C10orf90: variants seen among roughly 807,000 people sequenced by gnomAD.
C10orf90 encodes chromosome 10 open reading frame 90.
In C10orf90, 56 loss-of-function variants were observed where a neutral mutation model predicts 62.5. That is an observed-to-expected ratio of 0.90 (90% CI 0.72 to 1.12). C10orf90 has a LOEUF of 1.12. C10orf90 is among the 50% of genes most tolerant of loss of function. The pLI is 0.00. For synonymous variants in C10orf90, 386 were observed against 340.4 expected (o/e 1.13, Z -1.47); for missense variants, 970 against 880.4 (o/e 1.10, Z -1.29).
chr10:126,427,693 T>A (rs1272631220), intron 8 of C10orf90, among the ~76,000 whole-genome samples: 1 of 152,192 alleles, frequency 6.6e-6, no homozygotes, highest in Non-Finnish European at 1.5e-5. Context: ...TTCTTCGGCC[T>A]CTGGACTCTT....
In C10orf90 at chr10:126,663,077, C is replaced by T. The variant is rs532410963; in HGVS notation, c.240+7164G>A. Among the ~76,000 whole-genome samples the T allele has an allele frequency of 2.6e-5, 4 of 152,276 alleles. No individual in the cohort carries two copies. The South Asian group carries it at 8.3e-4, about 32-fold the overall frequency. On this transcript the variant is annotated intron_variant, in intron 1 of 9. Transcript: ENST00000488181. Reference sequence around the variant, plus strand: ...AGGTGTTTCCTCTTTAATCTGTCTGCTCCACTAGAGGAGGAAGAGGACCTA... The same window carrying T: ...AGGTGTTTCCTCTTTAATCTGTCTGTTCCACTAGAGGAGGAAGAGGACCTA...
At position 126,557,212 on chromosome 10, in the gene C10orf90, T is replaced by A. The variant is rs144703166; in HGVS notation, c.314-43273A>T. On this transcript the variant is annotated intron_variant, in intron 2 of 9. Coordinates refer to ENST00000488181, the MANE Select transcript of C10orf90 (RefSeq NM_001350921.2). ...AAGAAATAAATGTGGCCGGGTGCGGTGGCTGACACCTGTAAGCCCAGCACT... is the reference window on the plus strand; with the variant it reads ...AAGAAATAAATGTGGCCGGGTGCGGAGGCTGACACCTGTAAGCCCAGCACT... 4.4e-3 allele frequency among the ~76,000 whole-genome samples: 672 copies of A among 152,124 alleles called. 4 individuals are homozygous for A. Among genetic ancestry groups the A allele is most frequent in the African/African-American group, 0.015 (619 of 41,510 alleles).
chr10:126,605,113 A>C (rs2804429), intron 2 of C10orf90, among the ~76,000 whole-genome samples: 152,014 of 152,348 alleles, frequency 1, 75,840 homozygotes, highest in Middle Eastern at 1. Flanking sequence ...GCCATTTTAA[A>C]CTTACAACTA....
chr10:126,631,441 C>T (rs527586864), intron 2 of C10orf90, among the ~76,000 whole-genome samples: 1 of 152,218 alleles, frequency 6.6e-6, no homozygotes, highest in African/African-American at 2.4e-5. Context: ...CCTATTCAAC[C>T]CTCTACACCT....
intron 2 of C10orf90, among the ~76,000 whole-genome samples, chr10:126,557,160 A>T (rs886573030): frequency 6.6e-6 from 1 of 152,072 alleles, no homozygotes; most frequent in African/African-American, 2.4e-5. Context: ...AATGAATAAC[A>T]GGTTGCCCAT....
chr10:126,656,994 C>T (rs1185718835), intron 1 of C10orf90, among the ~76,000 whole-genome samples: 1 of 152,210 alleles, frequency 6.6e-6, no homozygotes. Flanking sequence ...GAACCTATAA[C>T]TGACAACCAT....
intron 2 of C10orf90, among the ~76,000 whole-genome samples, chr10:126,591,096 C>T (rs1423280242): frequency 6.6e-6 from 1 of 152,118 alleles, no homozygotes; most frequent in Admixed American, 6.6e-5. Context: ...GATGGATTTA[C>T]CACTGAATTC....
At chr10:126,552,593 C>T (rs1024187844) in intron 2 of C10orf90, among the ~76,000 whole-genome samples, 5 of 152,146 alleles carry the variant, frequency 3.3e-5, no homozygotes, top group African/African-American at 1.2e-4. Flanking sequence ...AGGATACTCA[C>T]CCAAGATGCT....
intron 2 of C10orf90, among the ~76,000 whole-genome samples, chr10:126,616,281 T>C (rs1305247844): frequency 6.6e-6 from 1 of 152,234 alleles, no homozygotes; most frequent in African/African-American, 2.4e-5. Flanking sequence ...CTTCCCTCTC[T>C]GCAGTGGCCC....
chr10:126,628,550 G>A (rs1898295), intron 2 of C10orf90, among the ~76,000 whole-genome samples: 86,849 of 151,990 alleles, frequency 0.57, 25,140 homozygotes, highest in Middle Eastern at 0.69. Flanking sequence ...CACTGGGAAC[G>A]TTGAATGGAG....
At chr10:126,549,330 C>T (rs1361599797) in intron 2 of C10orf90, among the ~76,000 whole-genome samples, 1 of 152,076 alleles carries the variant, frequency 6.6e-6, no homozygotes, top group Non-Finnish European at 1.5e-5. Flanking sequence ...AAACAAACAG[C>T]CCAATTAGAA....
At chr10:126,451,026 G>A (rs1859145095) in intron 7 of C10orf90, among the ~76,000 whole-genome samples, 1 of 151,954 alleles carries the variant, frequency 6.6e-6, no homozygotes, top group African/African-American at 2.4e-5. Flanking sequence ...ATTAAAAAAT[G>A]GGCAAAGTAC....
intron 4 of C10orf90, chr10:126,502,896 A>G (rs1862487652): frequency 3.9e-5 from 19 of 486,978 alleles, no homozygotes; most frequent in South Asian, 3.1e-4. Flanking sequence ...TTGCCTTAAA[A>G]ATCTCTGAGC....
chr10:126,540,717 G>T (rs1415303643), intron 2 of C10orf90, among the ~76,000 whole-genome samples: 1 of 151,090 alleles, frequency 6.6e-6, no homozygotes. Flanking sequence ...CATACAATGA[G>T]AGAGGACTAC....
Position 126,576,252 on chromosome 10 carries a change from T to C in C10orf90, c.314-62313A>G, listed in dbSNP as rs139650708. ...GCAAAAACCCAATTTGATTTAAAAA[T>C]GGGCAAATGATCTGAGCCAACATCT... On this transcript the variant is annotated intron_variant, in intron 2 of 9. Transcript: ENST00000488181. 9.1e-3 allele frequency among the ~76,000 whole-genome samples: 1,376 copies of C among 151,928 alleles called. 24 individuals carry two copies. The highest frequency in any genetic ancestry group is 0.032 in the African/African-American group (1,317 of 41,494).
At chr10:126,657,126 G>A (rs910456830) in intron 1 of C10orf90, among the ~76,000 whole-genome samples, 4 of 152,002 alleles carry the variant, frequency 2.6e-5, no homozygotes, top group African/African-American at 9.7e-5. Flanking sequence ...TCAGTTTAAT[G>A]TCACTATTTT....
intron 4 of C10orf90, among the ~76,000 whole-genome samples, chr10:126,468,204 G>A (rs571264395): frequency 2.6e-5 from 4 of 152,118 alleles, no homozygotes; most frequent in Admixed American, 6.5e-5. Flanking sequence ...GAGTAGCTGG[G>A]ATTACAGATG....
chr10:126,628,053 T>C (rs532329425), intron 2 of C10orf90, among the ~76,000 whole-genome samples: 3 of 152,344 alleles, frequency 2.0e-5, no homozygotes, highest in East Asian at 1.9e-4. Flanking sequence ...AACTATAAAG[T>C]AGACATTTGT....
intron 5 of C10orf90, 109 bp downstream of exon 5, chr10:126,464,587 G>T: frequency 1.6e-6 from 2 of 1,214,860 alleles, no homozygotes; most frequent in African/African-American, 1.5e-5. Context: ...AGAAGGGGAG[G>T]TTTCATCAGG....
Sources: allele counts gnomAD v4.1 joint callset (sites outside exome capture counted in the v4.1 genomes callset), GRCh38; gene constraint gnomAD v4.1.1; transcripts MANE v1.5; gene names NCBI Gene and HGNC (gene_info 2026-07-23, HGNC 2026-07-21).